The following ZNF142 variants were observed in gnomAD, a reference collection of about 807,000 sequenced individuals.
ZNF142 encodes the protein zinc finger protein 142 (clone pHZ-49).
A neutral mutation model predicts 132.1 loss-of-function variants in ZNF142; 96 were observed. That is an observed-to-expected ratio of 0.73 (90% CI 0.62 to 0.86). The LOEUF is 0.86. Ranked by LOEUF, ZNF142 falls within the 40% of genes least tolerant of loss-of-function variation. The probability of loss-of-function intolerance (pLI) is 0.00; values close to 1 mark genes in which losing one functional copy is unlikely to be tolerated. For synonymous variants in ZNF142, 842 were observed against 890.1 expected, an observed-to-expected ratio of 0.95 and a Z score of 0.96; for missense variants, 2,163 against 2,336.2, an observed-to-expected ratio of 0.93 and a Z score of 1.53.
chr2:218,636,141 A>G lies in ZNF142; in HGVS notation c.*2198T>C. 7.0e-7 allele frequency: 1 copy of G among 1,423,508 alleles called. No homozygotes were observed. Among genetic ancestry groups the G allele is most frequent in the Non-Finnish European group, 9.8e-7 (1 of 1,023,700 alleles). 88.2% of individuals were successfully genotyped at this position (1,423,508 alleles called of 1,614,324 possible). ...CTCTGAGCCTTTTTCCTTACCTGTAAAATGCTGATTGCCATCTAGATTAAA... is the reference window on the plus strand; with the variant it reads ...CTCTGAGCCTTTTTCCTTACCTGTAGAATGCTGATTGCCATCTAGATTAAA... On this transcript the variant is annotated 3_prime_UTR_variant, in exon 11 of 11. Transcript: ENST00000411696.
chr2:218,649,179 T>G lies in ZNF142; in HGVS notation c.1329A>C (p.Glu443Asp). The G allele has an allele frequency of 1.2e-6, 2 of 1,614,232 alleles. No individual in the cohort carries two copies. Among genetic ancestry groups the G allele is most frequent in the Non-Finnish European group, 1.7e-6 (2 of 1,180,022 alleles). ...TGTCTGAGTAGAAGTTGGAAATATCTTCATGCATGCTGGCCATGTGGCGGT... is the reference window on the plus strand; with the variant it reads ...TGTCTGAGTAGAAGTTGGAAATATCGTCATGCATGCTGGCCATGTGGCGGT... Reference protein sequence around the residue: ...ALNRHMASMHEDISNFYSDTY... With the variant: ...ALNRHMASMHDDISNFYSDTY... The change falls in exon 7 of 11, where the codon GAA becomes GAC. Residue 443 changes from glutamate (E) to aspartate (D), a missense_variant. By Grantham distance (45) the Glu-to-Asp change is conservative. This residue lies in a region of ZNF142 where 749 missense variants were observed against 830.3 expected (regional missense o/e 0.90). Transcript: ENST00000411696.
Position 218,642,376 on chromosome 2 carries a change from G to A in ZNF142, c.4740C>T (p.His1580=). 2 of 1,613,086 alleles carry A rather than the reference G, an allele frequency of 1.2e-6. No individual in the cohort carries two copies. The highest frequency in any genetic ancestry group is 1.7e-6 in the Non-Finnish European group (2 of 1,180,034). ...DEHRRQQHFS[H]RCQLCDFAAR... Reference sequence around the variant, plus strand: ...CAGCAAAGTCACAGAGCTGACAGCGGTGGCTGAAATGCTGCTGCCTCCGGT... The same window carrying A: ...CAGCAAAGTCACAGAGCTGACAGCGATGGCTGAAATGCTGCTGCCTCCGGT... Residue 1580 remains histidine, a synonymous_variant, in exon 9 of 11, where the codon CAC becomes CAT. Coordinates refer to ENST00000411696, the MANE Select transcript of ZNF142 (RefSeq NM_001379659.1). This position sits in a 1 kb window ranked among gnomAD's most constrained non-coding sequence, Gnocchi z 4.6.
intron 7 of ZNF142, among the ~76,000 whole-genome samples, chr2:218,648,382 G>A (rs1017978584): frequency 2.0e-5 from 3 of 152,202 alleles, no homozygotes; most frequent in Non-Finnish European, 4.4e-5. Context: ...ACTGGACAAG[G>A]GCTTAAGAGC....
chr2:218,642,608 T>C lies in ZNF142; in HGVS notation c.4508A>G (p.Gln1503Arg). ...CTCGGGGTGTCGGCGCAGAGCATGC[T>C]GCTTAAGTGCTGTCTCTGAGCTGAA... The part of the protein sequence containing the change: ...AQFSSETALK[Q>R]HALRRHPEPA... Residue 1503 changes from glutamine (Q) to arginine (R), a missense_variant, in exon 9 of 11, where the codon CAG becomes CGG. Transcript: ENST00000411696. The surrounding 1 kb of genome is among the most constrained non-coding windows in gnomAD (Gnocchi z 4.6). 1.2e-5 allele frequency: 19 copies of C among 1,602,050 alleles called. No homozygotes were observed. The highest frequency in any genetic ancestry group is 1.5e-5 in the Non-Finnish European group (18 of 1,175,388).
Position 218,636,071 on chromosome 2 carries a change from C to A in ZNF142, c.*2268G>T. 6.9e-7 allele frequency: 1 copy of A among 1,445,142 alleles called. No homozygotes were observed. The highest frequency in any genetic ancestry group is 9.4e-7 in the Non-Finnish European group (1 of 1,059,836). 89.5% of individuals were successfully genotyped at this position (1,445,142 alleles called of 1,614,324 possible). On this transcript the variant is annotated 3_prime_UTR_variant, in exon 11 of 11. Transcript: ENST00000411696. Reference sequence around the variant, plus strand: ...TGTGGAACAGTACAAAGAATCCTGGCTCTTCACTTAAAAGCTCCAGTGACC... The same window carrying A: ...TGTGGAACAGTACAAAGAATCCTGGATCTTCACTTAAAAGCTCCAGTGACC...
In ZNF142 at chr2:218,652,017, G is replaced by A. The variant is rs1336902829; in HGVS notation, c.564C>T (p.Gly188=). 3.5e-6 allele frequency: 2 copies of A among 578,482 alleles called. No homozygotes were observed. Among genetic ancestry groups the A allele is most frequent in the Non-Finnish European group, 5.9e-6 (2 of 338,630 alleles). 35.8% of individuals were successfully genotyped at this position (578,482 alleles called of 1,614,324 possible). A position where few individuals can be genotyped will look rare whatever the true frequency, so the allele number is the denominator to read the frequency against. Residue 188 remains glycine (G), a synonymous_variant, in exon 5 of 11, where the codon GGC becomes GGT. Coordinates refer to ENST00000411696, the MANE Select transcript of ZNF142 (RefSeq NM_001379659.1). ...ALKSHFKIHR[G]TPDTFSCPES... is the part of the protein sequence containing the mutation. ...CTGGGCAGGAGAAGGTGTCAGGAGT[G>A]CCCCGGTGAATCTTGAAGTGGCTCT...
rs768240905 is a variant in ZNF142, at chr2:218,636,366, C to A, written c.*1973G>T. 1.2e-6 allele frequency: 2 copies of A among 1,614,032 alleles called. No homozygotes were observed. The highest frequency in any genetic ancestry group is 1.7e-6 in the Non-Finnish European group (2 of 1,179,910). On this transcript the variant is annotated 3_prime_UTR_variant, in exon 11 of 11. Transcript: ENST00000411696. ...CGAAATGACTTTATTGGTCAGTACA[C>A]CCTGCCTTGGACCTGCATGCAACAA... is the stretch of plus-strand genomic sequence containing the variant.
Position 218,642,457 on chromosome 2 carries a change from C to T in ZNF142, c.4659G>A (p.Arg1553=), listed in dbSNP as rs765751368. The T allele has an allele frequency of 5.6e-6, 9 of 1,611,730 alleles. No homozygotes were observed. The highest frequency in any genetic ancestry group is 1.7e-5 in the Admixed American group (1 of 59,944). The change falls in exon 9 of 11, where the codon CGG becomes CGA. Residue 1553 remains arginine, a synonymous_variant. Transcript: ENST00000411696. The surrounding 1 kb of genome is among the most constrained non-coding windows in gnomAD (Gnocchi z 4.6). ...LRGHTRKQHP[R]LECGACQEAF... is the part of the protein sequence containing the mutation. ...CCTCCTGGCAGGCCCCACACTCAAG[C>T]CGTGGGTGCTGTTTACGGGTGTGTC...
chr2:218,656,521 G>A lies in ZNF142; in HGVS notation c.-34-58C>T, dbSNP rs1285250399. 6 of 1,337,602 alleles carry A rather than the reference G, an allele frequency of 4.5e-6. No individual in the cohort carries two copies. In the African/African-American group the frequency reaches 7.3e-5, roughly 16 times the overall value. 82.9% of individuals were successfully genotyped at this position (1,337,602 alleles called of 1,614,324 possible). On this transcript the variant is annotated intron_variant, in intron 3 of 10. Coordinates refer to ENST00000411696, the MANE Select transcript of ZNF142 (RefSeq NM_001379659.1). ...GGTTAGAGTTCTTACTTTCTTCCTGGCTGGCGTGGGTACACAGCCCAGTGC... is the reference window on the plus strand; with the variant it reads ...GGTTAGAGTTCTTACTTTCTTCCTGACTGGCGTGGGTACACAGCCCAGTGC...
Position 218,648,925 on chromosome 2 carries a change from G to A in ZNF142, c.1583C>T (p.Ala528Val), listed in dbSNP as rs1478119106. 3 of 1,613,534 alleles carry A rather than the reference G, an allele frequency of 1.9e-6. No homozygotes were observed. The highest frequency in any genetic ancestry group is 2.2e-5 in the East Asian group (1 of 44,888). The change falls in exon 7 of 11, where the codon GCC becomes GTC. Residue 528 changes from alanine to valine, a missense_variant. Ala to Val is a moderately conservative substitution (Grantham distance 64). Transcript: ENST00000411696. Reference sequence around the variant, plus strand: ...GTGGGCCTCCATGGCTTCGGCTGTGGCAAAGAGCATGGGACATGAGTGATG... The same window carrying A: ...GTGGGCCTCCATGGCTTCGGCTGTGACAAAGAGCATGGGACATGAGTGATG... ...CRHHSCPMLFATAEAMEAHHK... is the reference protein window; with the variant it reads ...CRHHSCPMLFVTAEAMEAHHK...
Position 218,643,219 on chromosome 2 carries a change from C to G in ZNF142, c.3897G>C (p.Gln1299His). The G allele has an allele frequency of 6.2e-7, 1 of 1,614,246 alleles. No homozygotes were observed. The highest frequency in any genetic ancestry group is 8.5e-7 in the Non-Finnish European group (1 of 1,180,038). ...GDGDTVLVQKQKGARFSCPTC... is the reference protein window; with the variant it reads ...GDGDTVLVQKHKGARFSCPTC... ...TAGGGCAGGAGAAGCGAGCCCCCTT[C>G]TGCTTTTGAACCAGAACTGTATCCC... is the stretch of plus-strand genomic sequence containing the variant. The change falls in exon 9 of 11, where the codon CAG becomes CAC. Residue 1299 changes from glutamine to histidine, a missense_variant. Around this residue, in one of 7 missense-constraint regions of ZNF142, gnomAD observed 809 missense variants for 801.7 expected, o/e 1.01. Coordinates refer to ENST00000411696, the MANE Select transcript of ZNF142 (RefSeq NM_001379659.1).
In ZNF142 at chr2:218,649,126, T is replaced by A. The variant is rs762785044; in HGVS notation, c.1382A>T (p.Glu461Val). The A allele has an allele frequency of 1.9e-6, 3 of 1,614,174 alleles. No homozygotes were observed. The South Asian group carries it at 3.3e-5, about 18-fold the overall frequency. Reference sequence around the variant, plus strand: ...CTTTAGGGCCTGGCTGAGGCGGAATTCCTCACGGCAGACAGGACAGGCATA... The same window carrying A: ...CTTTAGGGCCTGGCTGAGGCGGAATACCTCACGGCAGACAGGACAGGCATA... ...DTYACPVCRE[E>V]FRLSQALKEH... The change falls in exon 7 of 11, where the codon GAA becomes GTA. Residue 461 changes from glutamate (E) to valine (V), a missense_variant. This residue lies in a region of ZNF142 where 749 missense variants were observed against 830.3 expected (regional missense o/e 0.90). Transcript: ENST00000411696.
intron 3 of ZNF142, among the ~76,000 whole-genome samples, chr2:218,656,727 T>C (rs770075642): frequency 2.6e-5 from 4 of 152,112 alleles, no homozygotes; most frequent in Non-Finnish European, 5.9e-5. Context: ...TTCTGCTAGC[T>C]AAGTGCCCTT....
At chr2:218,639,315 TCAA>T (rs1157096572) in intron 10 of ZNF142, among the ~76,000 whole-genome samples, 2 of 152,168 alleles carry the variant, frequency 1.3e-5, no homozygotes, top group Non-Finnish European at 2.9e-5. Context: ...TCCTTGTACA[TCAA>T]CAAGAACTCA....
chr2:218,648,313 G>A (rs1041460089), intron 7 of ZNF142, among the ~76,000 whole-genome samples: 3 of 152,224 alleles, frequency 2.0e-5, no homozygotes, highest in Non-Finnish European at 4.4e-5. Flanking sequence ...TATTTGTCCT[G>A]GTTTAGGTTT....
At chr2:218,647,576 G>T (rs1437841209) in intron 7 of ZNF142, among the ~76,000 whole-genome samples, 1 of 152,096 alleles carries the variant, frequency 6.6e-6, no homozygotes, top group African/African-American at 2.4e-5. Flanking sequence ...CTACCATGTG[G>T]GTTTGAGCAG....
At position 218,633,416 on chromosome 2, in the gene ZNF142, A is replaced by G. The variant is rs754166147; in HGVS notation, c.*4923T>C. ...GACGTGCCCGCTGTTTTGTCCGTCT[A>G]TCTGTTGTCAGATTGTGGCCCAGGC... On this transcript the variant is annotated 3_prime_UTR_variant, in exon 11 of 11. Transcript: ENST00000411696. The G allele has an allele frequency of 1.2e-5, 9 of 738,452 alleles. No individual in the cohort carries two copies. The highest frequency in any genetic ancestry group is 1.7e-5 in the African/African-American group (1 of 57,828). The allele number at this position is 738,452 out of a possible 1,614,324, so 45.7% of individuals were successfully genotyped here.
chr2:218,650,407 C>G lies in ZNF142; in HGVS notation c.1000G>C (p.Asp334His), dbSNP rs1937873521. 6.2e-7 allele frequency: 1 copy of G among 1,614,076 alleles called. No individual in the cohort carries two copies. Among genetic ancestry groups the G allele is most frequent in the Non-Finnish European group, 8.5e-7 (1 of 1,180,042 alleles). The change falls in exon 6 of 11, where the codon GAC (aspartate) becomes CAC (histidine). Residue 334 changes from aspartate (D) to histidine (H), a missense_variant. By Grantham distance (81) the Asp-to-His change is moderately conservative. Around this residue, in one of 7 missense-constraint regions of ZNF142, gnomAD observed 749 missense variants for 830.3 expected, o/e 0.90. Transcript: ENST00000411696. ...EKEEKSDTQK[D>H]SQKAVDKGQG... ...CCTTTATCCACAGCCTTTTGGGAGTCCTTCTGGGTGTCACTCTTCTCTTCT... is the reference window on the plus strand; with the variant it reads ...CCTTTATCCACAGCCTTTTGGGAGTGCTTCTGGGTGTCACTCTTCTCTTCT...
At position 218,633,926 on chromosome 2, in the gene ZNF142, C is replaced by A; in HGVS notation, c.*4413G>T. ...AGGGCAGAGGAGTTATGAATAGTGG[C>A]TCAAGGGTCTAGGGGCAGGAAAGCT... On this transcript the variant is annotated 3_prime_UTR_variant, in exon 11 of 11. Coordinates refer to ENST00000411696, the MANE Select transcript of ZNF142 (RefSeq NM_001379659.1). The A allele has an allele frequency of 8.4e-7, 1 of 1,195,698 alleles. No individual in the cohort carries two copies. Among genetic ancestry groups the A allele is most frequent in the South Asian group, 1.4e-5 (1 of 69,968 alleles). 74.1% of individuals were successfully genotyped at this position (1,195,698 alleles called of 1,614,324 possible).
Sources: allele counts gnomAD v4.1 joint callset (sites outside exome capture counted in the v4.1 genomes callset), GRCh38; gene constraint gnomAD v4.1.1; regional missense constraint gnomAD v4.1.1; non-coding constraint Gnocchi (gnomAD v3.1); transcripts MANE v1.5; gene names NCBI Gene and HGNC (gene_info 2026-07-23, HGNC 2026-07-21).